Variants in PRTG observed in about 807,000 individuals in gnomAD.
The protein encoded by PRTG is immunoglobulin superfamily, DCC subclass, member 5.
PRTG carries 67 observed loss-of-function variants against 122.5 expected under a neutral mutation model. The observed-to-expected ratio is 0.55, with a 90% CI of 0.45 to 0.67. PRTG has a LOEUF of 0.67. Ranked by LOEUF, PRTG falls within the 30% of genes least tolerant of loss-of-function variation. PRTG has a pLI of 0.00. For missense variants in PRTG, 1,435 were observed against 1,415.4 expected (o/e 1.01, Z -0.22); for synonymous variants, 554 against 501.1 (o/e 1.11, Z -1.41).
chr15:55,690,055 G>A (rs577662554), intron 2 of PRTG, among the ~76,000 whole-genome samples: 4 of 152,170 alleles, frequency 2.6e-5, no homozygotes, highest in African/African-American at 9.6e-5. Flanking sequence ...TGCTATTAAA[G>A]ATATACAGTA....
In PRTG at chr15:55,620,073, T is replaced by C; in HGVS notation, c.3392A>G (p.His1131Arg). 1.2e-6 allele frequency: 2 copies of C among 1,614,096 alleles called. No individual in the cohort carries two copies. Among genetic ancestry groups the C allele is most frequent in the South Asian group, 1.1e-5 (1 of 91,086 alleles). Residue 1131 changes from histidine to arginine, a missense_variant, in exon 20 of 20, where the codon CAT (histidine) becomes CGT (arginine). Transcript: ENST00000389286. The stretch of plus-strand genomic sequence containing the variant: ...CAGATGTATCTCATCGTTGGACTCA[T>C]GAGAAAACCGCCCAGAATCCCCAGT... ...HETGDSGRFS[H>R]ESNDEIHLSS... is the part of the protein sequence containing the mutation.
chr15:55,680,185 G>A lies in PRTG; in HGVS notation c.842C>T (p.Thr281Ile), dbSNP rs2059529624. The change falls in exon 6 of 20, where the codon ACT becomes ATT. Residue 281 changes from threonine (T) to isoleucine (I), a missense_variant. Transcript: ENST00000389286. ...LDHKSIDVFNTRVLGNGNLMI... is the reference protein window; with the variant it reads ...LDHKSIDVFNIRVLGNGNLMI... ...GAGATTACCATTTCCAAGTACCCGA[G>A]TATTAAAGACATCAATGGATTTGTG... is the stretch of plus-strand genomic sequence containing the variant. 1 of 1,610,532 alleles carries A rather than the reference G, an allele frequency of 6.2e-7. No individual in the cohort carries two copies. Among genetic ancestry groups the A allele is most frequent in the Non-Finnish European group, 8.5e-7 (1 of 1,176,936 alleles).
intron 2 of PRTG, among the ~76,000 whole-genome samples, chr15:55,724,405 A>T (rs2141873387): frequency 6.6e-6 from 1 of 152,280 alleles, no homozygotes; most frequent in South Asian, 2.1e-4. Context: ...ATTAACAGCC[A>T]ATTTCTCATC....
chr15:55,659,927 AAAAAC>A lies in PRTG; in HGVS notation c.2041+12513_2041+12517del, dbSNP rs56025011. Among the ~76,000 whole-genome samples the A allele has an allele frequency of 3.0e-4, 45 of 150,184 alleles. No homozygotes were observed. In the East Asian group the frequency reaches 5.3e-3, roughly 18 times the overall value. On this transcript the variant is annotated intron_variant, in intron 11 of 19. Transcript: ENST00000389286. ...GAGACAGACTTCAAAAAAAAGTCTC[AAAAAC>A]AAAACAAAACAAAACAAAACAAAAC...
At position 55,618,055 on chromosome 15, in the gene PRTG, A is replaced by G. The variant is rs1044129343; in HGVS notation, c.*1957T>C. The G allele has an allele frequency of 5.9e-5, 9 of 152,198 alleles. No homozygotes were observed. Among genetic ancestry groups the G allele is most frequent in the Admixed American group, 5.9e-4 (9 of 15,276 alleles). 9.4% of individuals were successfully genotyped at this position (152,198 alleles called of 1,614,324 possible). A position where few individuals can be genotyped will look rare whatever the true frequency, so the allele number is the denominator to read the frequency against. ...ATAAAACAGGAGCTATAAAGGCAGG[A>G]GCAGCATTTTTCCTTGCTGCAGACT... On this transcript the variant is annotated 3_prime_UTR_variant, in exon 20 of 20. Transcript: ENST00000389286.
chr15:55,667,275 AAC>A (rs1167816495), intron 11 of PRTG, among the ~76,000 whole-genome samples: 1 of 151,896 alleles, frequency 6.6e-6, no homozygotes, highest in African/African-American at 2.4e-5. Flanking sequence ...TCAATCTGTA[AAC>A]ACTTTATTTT....
At chr15:55,641,273 G>T (rs1207812000) in intron 11 of PRTG, 65 bp from the exon 12 acceptor site, 1 of 1,204,910 alleles carries the variant, frequency 8.3e-7, no homozygotes, top group African/African-American at 1.5e-5. Flanking sequence ...GGTTCTGAAT[G>T]AAGCCTTTAT....
At chr15:55,714,890 G>A (rs1336595119) in intron 2 of PRTG, among the ~76,000 whole-genome samples, 2 of 152,104 alleles carry the variant, frequency 1.3e-5, no homozygotes, top group African/African-American at 4.8e-5. Context: ...CCACAAGGAG[G>A]ACTTCAGAGA....
In PRTG at chr15:55,672,596, G is replaced by A; in HGVS notation, c.1890C>T (p.Asn630=). 1 of 1,613,858 alleles carries A rather than the reference G, an allele frequency of 6.2e-7. No individual in the cohort carries two copies. The highest frequency in any genetic ancestry group is 8.5e-7 in the Non-Finnish European group (1 of 1,179,962). The change falls in exon 11 of 20, where the codon AAC becomes AAT. Residue 630 remains asparagine, a synonymous_variant. Transcript: ENST00000389286. ...KSPELHLEPL[N]CTTISVRWQQ... ...GCCACCTCACAGAAATGGTGGTACAGTTCAGAGGCTCCAAATGCAACTCTG... is the reference window on the plus strand; with the variant it reads ...GCCACCTCACAGAAATGGTGGTACAATTCAGAGGCTCCAAATGCAACTCTG...
At chr15:55,658,342 G>T in intron 11 of PRTG, among the ~76,000 whole-genome samples, 1 of 149,478 alleles carries the variant, frequency 6.7e-6, no homozygotes. Flanking sequence ...TTGAGATGAA[G>T]TCTTGCTCTG....
intron 9 of PRTG, 54 bp from the exon 10 acceptor site, chr15:55,673,730 T>G: frequency 1.5e-6 from 2 of 1,347,892 alleles, no homozygotes; most frequent in Non-Finnish European, 2.1e-6. Flanking sequence ...GAATTGCCAC[T>G]TAGCACACCA....
chr15:55,641,640 GT>G (rs2059291077), intron 11 of PRTG, among the ~76,000 whole-genome samples: 1 of 152,100 alleles, frequency 6.6e-6, no homozygotes, highest in African/African-American at 2.4e-5. Context: ...AACTGAGATT[GT>G]TTTATTCCAA....
rs1181935260 is a variant in PRTG at position 55,664,506 on chromosome 15, TAAC to T, written c.2041+7936_2041+7938del. 4.6e-5 allele frequency among the ~76,000 whole-genome samples: 7 copies of T among 152,226 alleles called. No homozygotes were observed. In the East Asian group the frequency reaches 7.7e-4, roughly 17 times the overall value. On this transcript the variant is annotated intron_variant, in intron 11 of 19. Transcript: ENST00000389286. ...GATATGGTAATTAAATTGGTACAGA[TAAC>T]AACTTGTTTGTAAACTAAGTAGCTT...
intron 11 of PRTG, among the ~76,000 whole-genome samples, chr15:55,670,481 T>C (rs147053130): frequency 6.2e-4 from 95 of 152,344 alleles, no homozygotes; most frequent in African/African-American, 2.2e-3. Flanking sequence ...AGGGACAGAA[T>C]ACTGAGAAGC....
intron 2 of PRTG, among the ~76,000 whole-genome samples, chr15:55,736,288 C>T (rs936591501): frequency 1.2e-4 from 18 of 152,002 alleles, no homozygotes; most frequent in African/African-American, 4.1e-4. Context: ...AAAGTCTTGC[C>T]TATTTCAGGT....
Position 55,673,377 on chromosome 15 carries a change from C to T in PRTG, c.1846G>A (p.Val616Met), listed in dbSNP as rs546048889. 23 of 1,610,092 alleles carry T rather than the reference C, an allele frequency of 1.4e-5. No homozygotes were observed. Among genetic ancestry groups the T allele is most frequent in the South Asian group, 1.2e-4 (11 of 90,932 alleles). The change falls in exon 10 of 20, where the codon GTG becomes ATG. Residue 616 changes from valine to methionine, a missense_variant. Physicochemically the swap from Val to Met is conservative, Grantham distance 21. Coordinates refer to ENST00000389286, the MANE Select transcript of PRTG (RefSeq NM_173814.6). ...TSHRTPKATS[V>M]KAPKSPELHL... ...ACAGTCTTCAGAAATTCACCTTTCA[C>T]GCTTGTAGCTTTGGGCGTCCTATGT...
At chr15:55,728,867 C>G (rs1238115969) in intron 2 of PRTG, among the ~76,000 whole-genome samples, 1 of 152,130 alleles carries the variant, frequency 6.6e-6, no homozygotes, top group African/African-American at 2.4e-5. Context: ...CACATGAAAG[C>G]TACTAGAGCT....
Position 55,634,375 on chromosome 15 carries a change from G to C in PRTG, c.2623+2795C>G, listed in dbSNP as rs917894470. Among the ~76,000 whole-genome samples the C allele has an allele frequency of 8.6e-5, 13 of 151,986 alleles. 1 individual carries two copies. ...GAGCCACTGCACCTGGCTCTATACT[G>C]CTTCTTTTTAGGCAGGTGCAAATGA... On this transcript the variant is annotated intron_variant, in intron 15 of 19. Coordinates refer to ENST00000389286, the MANE Select transcript of PRTG (RefSeq NM_173814.6).
At chr15:55,680,673 GATATA>G in intron 4 of PRTG, 45 bp from the exon 5 acceptor site, 1 of 1,264,188 alleles carries the variant, frequency 7.9e-7, no homozygotes, top group Non-Finnish European at 1.1e-6. Context: ...TTATAAATAA[GATATA>G]ATAAGTGAAA....
Sources: gnomAD v4.1 joint callset for allele counts (sites outside exome capture counted in the v4.1 genomes callset) on GRCh38, gnomAD v4.1.1 for gene constraint, MANE v1.5 for transcripts, NCBI Gene and HGNC (gene_info 2026-07-23, HGNC 2026-07-21) for gene names.